Variants in PGBD5 observed in about 807,000 individuals in gnomAD.
PGBD5 encodes the protein piggyBac transposable element-derived protein 5.
Under a neutral mutation model 47.9 loss-of-function variants are expected in PGBD5, and 14 were observed. The observed-to-expected ratio is 0.29, with a 90% CI of 0.19 to 0.46. The LOEUF is 0.46. PGBD5 is among the 20% of genes least tolerant of loss of function. The pLI, the probability that PGBD5 is intolerant of heterozygous loss-of-function variation, is 1.00. For synonymous variants in PGBD5, 316 were observed against 306.3 expected, an observed-to-expected ratio of 1.03 and a Z score of -0.33; for missense variants, 635 against 716.0, an observed-to-expected ratio of 0.89 and a Z score of 1.29.
intron 4 of PGBD5, chr1:230,336,288 C>T (rs1667323702): frequency 6.6e-6 from 1 of 152,186 alleles, no homozygotes; most frequent in African/African-American, 2.4e-5. Flanking sequence ...CTGAGGCCAG[C>T]AAAAAGTGAA....
rs185412235 is a variant in PGBD5, at chr1:230,354,187, T to C, written c.759+2707A>G. Among the ~76,000 whole-genome samples, 412 of 151,714 alleles carry C rather than the reference T, an allele frequency of 2.7e-3. 2 individuals are homozygous for C. Among genetic ancestry groups the C allele is most frequent in the African/African-American group, 9.5e-3 (392 of 41,356 alleles). The stretch of plus-strand genomic sequence containing the variant: ...TCTGTGGTTATGACTTCATCTCCTT[T>C]GACTTACCTTGCTCTACACCTACTG... On this transcript the variant is annotated intron_variant, in intron 2 of 6. Transcript: ENST00000391860.
At chr1:230,411,612 A>T (rs976003034) in intron 1 of PGBD5, among the ~76,000 whole-genome samples, 1 of 152,248 alleles carries the variant, frequency 6.6e-6, no homozygotes, top group African/African-American at 2.4e-5. Flanking sequence ...TTCATTTATG[A>T]AGCCAAGCAT....
At chr1:230,406,264 C>T (rs549874262) in intron 1 of PGBD5, among the ~76,000 whole-genome samples, 7 of 146,576 alleles carry the variant, frequency 4.8e-5, no homozygotes, top group African/African-American at 7.6e-5. Context: ...GCCGAGATCA[C>T]GCCACTGCAC....
Position 230,323,333 on chromosome 1 carries a change from AG to A in PGBD5, c.*91del. 6.9e-7 allele frequency: 1 copy of A among 1,452,956 alleles called. No homozygotes were observed. Among genetic ancestry groups the A allele is most frequent in the South Asian group, 1.3e-5 (1 of 75,554 alleles). 90.0% of individuals were successfully genotyped at this position (1,452,956 alleles called of 1,614,324 possible). Reference sequence around the variant, plus strand: ...CCTCCCAGGCAGCAAGCCACACACCAGGCCGTGTCCGGGTCTCTGATGGGCA... The same window carrying A: ...CCTCCCAGGCAGCAAGCCACACACCAGCCGTGTCCGGGTCTCTGATGGGCA... On this transcript the variant is annotated 3_prime_UTR_variant, in exon 7 of 7. Coordinates refer to ENST00000391860, the MANE Select transcript of PGBD5 (RefSeq NM_001258311.2). The surrounding 1 kb of genome is among the most constrained non-coding windows in gnomAD (Gnocchi z 4.1).
Position 230,350,445 on chromosome 1 carries a change from GGTTATTCATAATTT to G in PGBD5, c.894+499_894+512del, listed in dbSNP as rs1294348616. ...GACTCGGGCACGTGCTCCTGCTGAA[GGTTATTCATAATTT>G]CACCAGCAGGCTGTTGGTGGAGGTC... On this transcript the variant is annotated intron_variant, in intron 3 of 6. Coordinates refer to ENST00000391860, the MANE Select transcript of PGBD5 (RefSeq NM_001258311.2). Among the ~76,000 whole-genome samples, 15 of 152,188 alleles carry G rather than the reference GGTTATTCATAATTT, an allele frequency of 9.9e-5. No individual in the cohort carries two copies. The South Asian group carries it at 1.0e-3, about 11-fold the overall frequency.
At chr1:230,393,687 C>T (rs796105146) in intron 1 of PGBD5, among the ~76,000 whole-genome samples, 3 of 152,050 alleles carry the variant, frequency 2.0e-5, no homozygotes, top group Non-Finnish European at 2.9e-5. Context: ...TAGCCGGGCG[C>T]AGTGGCGGGC....
intron 1 of PGBD5, among the ~76,000 whole-genome samples, chr1:230,360,545 T>C (rs865884226): frequency 6.6e-6 from 1 of 152,166 alleles, no homozygotes; most frequent in African/African-American, 2.4e-5. Flanking sequence ...GTTCTCGTGA[T>C]AGTGAGTGAA....
chr1:230,332,722 G>A (rs929515360), intron 5 of PGBD5, 122 bp downstream of exon 5: 5 of 1,139,146 alleles, frequency 4.4e-6, no homozygotes, highest in South Asian at 4.3e-5. Context: ...AATAACCGAG[G>A]GTAGTCTGAC....
chr1:230,420,591 A>G (rs1019547560), intron 1 of PGBD5, among the ~76,000 whole-genome samples: 1 of 152,144 alleles, frequency 6.6e-6, no homozygotes, highest in Non-Finnish European at 1.5e-5. Flanking sequence ...TGATGGCTTT[A>G]TAAGCATCTG....
intron 1 of PGBD5, among the ~76,000 whole-genome samples, chr1:230,414,268 A>T (rs1166234085): frequency 6.6e-6 from 1 of 152,212 alleles, no homozygotes; most frequent in Non-Finnish European, 1.5e-5. Flanking sequence ...CTCTGTGCAC[A>T]TCGCAATGCC....
intron 1 of PGBD5, among the ~76,000 whole-genome samples, chr1:230,409,052 T>C (rs1221339316): frequency 1.3e-5 from 2 of 152,184 alleles, no homozygotes; most frequent in Non-Finnish European, 2.9e-5. Flanking sequence ...GCAAAAGACT[T>C]TGATAGACAG....
intron 1 of PGBD5, among the ~76,000 whole-genome samples, chr1:230,369,934 G>C (rs1025037922): frequency 6.6e-6 from 1 of 152,198 alleles, no homozygotes; most frequent in African/African-American, 2.4e-5. Flanking sequence ...CTAGGATGGA[G>C]ACACAGATAT....
chr1:230,396,403 C>T (rs1163836398), intron 1 of PGBD5, among the ~76,000 whole-genome samples: 6 of 135,738 alleles, frequency 4.4e-5, no homozygotes, highest in African/African-American at 1.1e-4. Flanking sequence ...CCCTTTCACT[C>T]TCCACCCTCC....
chr1:230,332,016 C>CCACACAGACCA (rs1558191260), intron 5 of PGBD5, among the ~76,000 whole-genome samples: 1 of 11,610 alleles, frequency 8.6e-5, no homozygotes, highest in Non-Finnish European at 4.7e-3. Flanking sequence ...AACATACACA[C>CCACACAGACCA]CACACACACC....
intron 3 of PGBD5, among the ~76,000 whole-genome samples, chr1:230,346,049 TC>T (rs1017922488): frequency 3.3e-5 from 5 of 152,046 alleles, no homozygotes; most frequent in African/African-American, 1.2e-4. Context: ...TAAGATATTT[TC>T]TTTTTTTTTG....
chr1:230,420,108 A>G (rs1657615818), intron 1 of PGBD5, among the ~76,000 whole-genome samples: 1 of 152,190 alleles, frequency 6.6e-6, no homozygotes, highest in Admixed American at 6.5e-5. Flanking sequence ...CCTGGGCAAA[A>G]TGAGCAAAAC....
At chr1:230,356,861 T>C (rs2102705682) in intron 2 of PGBD5, 33 bp downstream of exon 2, 2 of 1,594,032 alleles carry the variant, frequency 1.3e-6, no homozygotes, top group East Asian at 2.2e-5. Context: ...CGAGGACACC[T>C]GGACAAGCTC....
intron 2 of PGBD5, among the ~76,000 whole-genome samples, chr1:230,352,939 C>T (rs910729751): frequency 2.0e-5 from 3 of 152,122 alleles, no homozygotes; most frequent in Non-Finnish European, 4.4e-5. Flanking sequence ...TGAAAATTGC[C>T]CTCTCTCATT....
intron 1 of PGBD5, among the ~76,000 whole-genome samples, chr1:230,404,407 G>A: frequency 6.6e-6 from 1 of 151,924 alleles, no homozygotes; most frequent in East Asian, 1.9e-4. Flanking sequence ...TTGAGCCTAG[G>A]AGTTTGGGAC....
Sources: allele counts gnomAD v4.1 joint callset (sites outside exome capture counted in the v4.1 genomes callset), GRCh38; gene constraint gnomAD v4.1.1; non-coding constraint Gnocchi (gnomAD v3.1); transcripts MANE v1.5; gene names NCBI Gene and HGNC (gene_info 2026-07-23, HGNC 2026-07-21).